The following HAPSTR1 variants were observed in gnomAD, a reference collection of about 807,000 sequenced individuals.
HAPSTR1 encodes the protein HUWE1-associated protein modifying stress responses 1.
chr16:9,111,245 C>T, the HAPSTR1 span: 1 of 151,614 alleles, frequency 6.6e-6, no homozygotes, highest in African/African-American at 2.4e-5. Flanking sequence ...CAGTCTGCAT[C>T]TTCTTGAAGT....
the HAPSTR1 span, chr16:9,119,092 T>G: frequency 6.6e-6 from 1 of 152,670 alleles, no homozygotes; most frequent in Non-Finnish European, 1.5e-5. Flanking sequence ...TTGTTACTTT[T>G]TTCCATTGCG....
the HAPSTR1 span, chr16:9,116,580 G>T: frequency 6.7e-7 from 1 of 1,503,194 alleles, no homozygotes; most frequent in Non-Finnish European, 9.0e-7. Flanking sequence ...GACATGCTTT[G>T]ACATTGTGAC....
At chr16:9,095,658 G>A in the HAPSTR1 span, among the ~76,000 whole-genome samples, 2 of 151,912 alleles carry the variant, frequency 1.3e-5, no homozygotes, top group East Asian at 3.9e-4. Flanking sequence ...TAAAAACCCA[G>A]CAGAGGGTCG....
chr16:9,107,760 T>G, the HAPSTR1 span: 1 of 152,346 alleles, frequency 6.6e-6, no homozygotes, highest in African/African-American at 2.4e-5. Flanking sequence ...GCTTCAGGGC[T>G]CCCAATCTCT....
the HAPSTR1 span, chr16:9,108,762 A>G: frequency 4.6e-5 from 7 of 152,018 alleles, no homozygotes; most frequent in African/African-American, 1.5e-4. Flanking sequence ...TGTATAGGCT[A>G]TTTTCCTCGG....
the HAPSTR1 span, among the ~76,000 whole-genome samples, chr16:9,097,890 G>C: frequency 5.6e-4 from 86 of 152,346 alleles, no homozygotes; most frequent in African/African-American, 1.9e-3. Flanking sequence ...ATGCACATGA[G>C]TTGAGAGCTA....
At chr16:9,109,606 A>G in the HAPSTR1 span, 1 of 152,208 alleles carries the variant, frequency 6.6e-6, no homozygotes, top group African/African-American at 2.4e-5. Flanking sequence ...GGCCTCTAGC[A>G]TGCAGGGTCT....
At chr16:9,096,664 C>G in the HAPSTR1 span, among the ~76,000 whole-genome samples, 2 of 152,144 alleles carry the variant, frequency 1.3e-5, no homozygotes, top group Admixed American at 6.5e-5. Flanking sequence ...CACTTGGCTG[C>G]AAAAAATTAT....
chr16:9,094,562 TG>T, the HAPSTR1 span, among the ~76,000 whole-genome samples: 1 of 152,190 alleles, frequency 6.6e-6, no homozygotes, highest in Admixed American at 6.5e-5. Flanking sequence ...ATTTGATTGC[TG>T]TTTTTTCTCC....
chr16:9,100,145 C>G, the HAPSTR1 span, among the ~76,000 whole-genome samples: 1 of 152,222 alleles, frequency 6.6e-6, no homozygotes, highest in Non-Finnish European at 1.5e-5. Context: ...AAATGCATGA[C>G]TTCTAGTGTG....
At chr16:9,107,740 A>G in the HAPSTR1 span, 4 of 152,326 alleles carry the variant, frequency 2.6e-5, no homozygotes, top group Admixed American at 2.6e-4. Flanking sequence ...CACTTCTGTG[A>G]CACAGCCTTG....
the HAPSTR1 span, among the ~76,000 whole-genome samples, chr16:9,114,445 G>T: frequency 1.3e-5 from 2 of 152,186 alleles, no homozygotes; most frequent in Admixed American, 1.3e-4. Context: ...AGCCTCATAA[G>T]GGAGGTGCTG....
the HAPSTR1 span, among the ~76,000 whole-genome samples, chr16:9,100,183 T>C: frequency 6.6e-6 from 1 of 152,336 alleles, no homozygotes; most frequent in African/African-American, 2.4e-5. Context: ...CATTGAGACT[T>C]GGTTATCTCA....
At chr16:9,093,297 A>T in the HAPSTR1 span, among the ~76,000 whole-genome samples, 1 of 152,164 alleles carries the variant, frequency 6.6e-6, no homozygotes, top group African/African-American at 2.4e-5. Flanking sequence ...GCAGTGCCCA[A>T]GATAACCGCC....
the HAPSTR1 span, among the ~76,000 whole-genome samples, chr16:9,094,717 A>G: frequency 2.6e-4 from 40 of 152,250 alleles, no homozygotes; most frequent in Middle Eastern, 3.4e-3. Flanking sequence ...GTATTACTCT[A>G]TGGTGTGGCA....
the HAPSTR1 span, chr16:9,105,970 A>T: frequency 2.0e-5 from 3 of 152,216 alleles, no homozygotes; most frequent in African/African-American, 7.2e-5. Flanking sequence ...TGTGTTCTTA[A>T]TTTAAAGGAA....
chr16:9,098,008 C>T, the HAPSTR1 span, among the ~76,000 whole-genome samples: 7 of 152,146 alleles, frequency 4.6e-5, no homozygotes, highest in South Asian at 1.4e-3. Flanking sequence ...GGATTGGATG[C>T]CAGGCAGGCA....
At chr16:9,117,023 A>G in the HAPSTR1 span, 7 of 1,469,656 alleles carry the variant, frequency 4.8e-6, no homozygotes, top group Non-Finnish European at 6.4e-6. Flanking sequence ...ACTGTTTAAG[A>G]CAAGTGAATT....
the HAPSTR1 span, chr16:9,102,963 C>A: frequency 6.2e-7 from 1 of 1,608,386 alleles, no homozygotes; most frequent in Non-Finnish European, 8.5e-7. Flanking sequence ...TACATGTTTT[C>A]TTTTTCTTTT....
Sources: allele counts gnomAD v4.1 joint callset (sites outside exome capture counted in the v4.1 genomes callset), GRCh38; gene constraint gnomAD v4.1.1; transcripts MANE v1.5; gene names NCBI Gene and HGNC (gene_info 2026-07-23, HGNC 2026-07-21).